RWDD1: variants seen among roughly 807,000 people sequenced by gnomAD.
RWDD1 encodes RWD domain containing 1.
Under a neutral mutation model 31.6 loss-of-function variants are expected in RWDD1, and 17 were observed. The ratio of observed to expected loss-of-function variants is 0.54; its 90% CI spans 0.37 to 0.81. The LOEUF (loss-of-function observed/expected upper bound fraction) is 0.81, where lower values mean the gene tolerates loss of function less well. Ranked by LOEUF, RWDD1 falls within the 30% of genes least tolerant of loss-of-function variation. The pLI is 0.00. For missense variants in RWDD1, 204 were observed against 274.5 expected (o/e 0.74, Z 1.82); for synonymous variants, 78 against 94.2 (o/e 0.83, Z 0.99).
At chr6:116,586,399 T>C (rs1306677803) in intron 3 of RWDD1, among the ~76,000 whole-genome samples, 1 of 152,082 alleles carries the variant, frequency 6.6e-6, no homozygotes, top group Non-Finnish European at 1.5e-5. Flanking sequence ...AGTTTGATCA[T>C]TTTATGCATA....
chr6:116,584,872 A>C lies in RWDD1; in HGVS notation c.270+15A>C. On this transcript the variant is annotated intron_variant, in intron 3 of 6. Coordinates refer to ENST00000466444, the MANE Select transcript of RWDD1 (RefSeq NM_015952.4). ...TAGCATTACAGGTAAGGAAATAATA[A>C]TTTTATGTTTTGTAGCAGCATTTAT... 6.4e-7 allele frequency: 1 copy of C among 1,550,962 alleles called. No homozygotes were observed. The highest frequency in any genetic ancestry group is 8.9e-7 in the Non-Finnish European group (1 of 1,126,376).
chr6:116,585,465 C>T (rs536922783), intron 3 of RWDD1, among the ~76,000 whole-genome samples: 17 of 152,266 alleles, frequency 1.1e-4, no homozygotes, highest in African/African-American at 3.6e-4. Flanking sequence ...AAAATATACT[C>T]ATGCTTGGGT....
chr6:116,574,745 A>C (rs1341496927), intron 1 of RWDD1, among the ~76,000 whole-genome samples: 751 of 84,432 alleles, frequency 8.9e-3, no homozygotes, highest in Middle Eastern at 0.032. Context: ...CCTTCCTTCC[A>C]CCTCCCCTCC....
rs928631297 is a variant in RWDD1 at position 116,597,324 on chromosome 6, A to G, written c.*4223A>G. 1 of 152,194 alleles carries G rather than the reference A, an allele frequency of 6.6e-6. No individual in the cohort carries two copies. Among genetic ancestry groups the G allele is most frequent in the Admixed American group, 6.5e-5 (1 of 15,282 alleles). The allele number at this position is 152,194 out of a possible 1,614,324, so 9.4% of individuals were successfully genotyped here. On this transcript the variant is annotated 3_prime_UTR_variant, in exon 7 of 7. Coordinates refer to ENST00000466444, the MANE Select transcript of RWDD1 (RefSeq NM_015952.4). ...GAATTTTTAAATAATTGTTATATTT[A>G]GTTTTGTTCTTCCACCTTTTGGCTA...
chr6:116,585,784 A>G (rs1298810101), intron 3 of RWDD1, among the ~76,000 whole-genome samples: 1 of 151,988 alleles, frequency 6.6e-6, no homozygotes, highest in Non-Finnish European at 1.5e-5. Context: ...TAATTCTAAC[A>G]TCTTTTTTTA....
In RWDD1 at chr6:116,593,104, G is replaced by T. The variant is rs1199030279; in HGVS notation, c.*3G>T. On this transcript the variant is annotated 3_prime_UTR_variant, in exon 7 of 7. Transcript: ENST00000466444. The stretch of plus-strand genomic sequence containing the variant: ...CAGAGAGTGACTCAGCTGACTAATG[G>T]ACTGTCCCCATCTGCAGAGAGGCTT... 2 of 1,612,976 alleles carry T rather than the reference G, an allele frequency of 1.2e-6. No individual in the cohort carries two copies. Among genetic ancestry groups the T allele is most frequent in the South Asian group, 1.1e-5 (1 of 90,908 alleles).
chr6:116,572,647 T>A (rs935707001), intron 1 of RWDD1, among the ~76,000 whole-genome samples: 6 of 152,156 alleles, frequency 3.9e-5, no homozygotes, highest in African/African-American at 1.4e-4. Flanking sequence ...CCAATATGAG[T>A]GAGTAGAACC....
chr6:116,592,860 C>G, intron 6 of RWDD1, 120 bp from the exon 7 acceptor site: 1 of 1,071,902 alleles, frequency 9.3e-7, no homozygotes, highest in Non-Finnish European at 1.3e-6. Context: ...GGGATTTCAT[C>G]ACTCCTACCT....
At chr6:116,577,595 G>A (rs896838876) in intron 1 of RWDD1, among the ~76,000 whole-genome samples, 3 of 151,730 alleles carry the variant, frequency 2.0e-5, no homozygotes, top group African/African-American at 7.3e-5. Flanking sequence ...TTTTGTTAGT[G>A]GCATCACATT....
At position 116,597,456 on chromosome 6, in the gene RWDD1, C is replaced by T. The variant is rs1350316454; in HGVS notation, c.*4355C>T. ...CTGTTCTCCTTTAAAGAGTAGTCTC[C>T]ATTAGTTTTCTTGACTTCTTCATCT... On this transcript the variant is annotated 3_prime_UTR_variant, in exon 7 of 7. Coordinates refer to ENST00000466444, the MANE Select transcript of RWDD1 (RefSeq NM_015952.4). The T allele has an allele frequency of 6.6e-6, 1 of 152,026 alleles. No individual in the cohort carries two copies. The highest frequency in any genetic ancestry group is 1.5e-5 in the Non-Finnish European group (1 of 68,000). 9.4% of individuals were successfully genotyped at this position (152,026 alleles called of 1,614,324 possible). A position where few individuals can be genotyped will look rare whatever the true frequency, so the allele number is the denominator to read the frequency against.
intron 1 of RWDD1, among the ~76,000 whole-genome samples, chr6:116,575,599 G>GTT (rs869080680): frequency 6.6e-6 from 1 of 152,038 alleles, no homozygotes; most frequent in Non-Finnish European, 1.5e-5. Flanking sequence ...CCCTTTTTCT[G>GTT]TTTTTAAAAA....
chr6:116,589,532 A>G (rs750038984), intron 4 of RWDD1, among the ~76,000 whole-genome samples: 68 of 152,190 alleles, frequency 4.5e-4, no homozygotes, highest in Non-Finnish European at 8.8e-4. Context: ...ACATGTAAAG[A>G]AAACCTCATA....
intron 1 of RWDD1, among the ~76,000 whole-genome samples, chr6:116,572,120 A>C (rs1774748785): frequency 6.6e-6 from 1 of 151,636 alleles, no homozygotes; most frequent in South Asian, 2.1e-4. Context: ...ATCGGTTTTG[A>C]GAGTAGCATA....
In RWDD1 at chr6:116,593,079, C is replaced by T. The variant is rs758362461; in HGVS notation, c.710C>T (p.Pro237Leu). The T allele has an allele frequency of 6.2e-7, 1 of 1,613,684 alleles. No individual in the cohort carries two copies. Among genetic ancestry groups the T allele is most frequent in the African/African-American group, 1.3e-5 (1 of 74,816 alleles). The change falls in exon 7 of 7, where the codon CCA becomes CTA. Residue 237 changes from proline to leucine, a missense_variant. By Grantham distance (98) the Pro-to-Leu change is moderately conservative. Transcript: ENST00000466444. ...EDDPDYNPAD[P>L]ESDSAD is the part of the protein sequence containing the mutation. ...GATCCAGACTATAATCCTGCTGACC[C>T]AGAGAGTGACTCAGCTGACTAATGG...
At chr6:116,572,972 G>A (rs958975037) in intron 1 of RWDD1, 6 of 985,456 alleles carry the variant, frequency 6.1e-6, no homozygotes, top group African/African-American at 1.7e-5. Flanking sequence ...GGGTTTGAGA[G>A]TGTCATTAAC....
chr6:116,580,808 C>G (rs1774935132), intron 2 of RWDD1, among the ~76,000 whole-genome samples: 2 of 151,996 alleles, frequency 1.3e-5, no homozygotes, highest in Admixed American at 6.5e-5. Context: ...CTGCATGTTT[C>G]TGTCTCTTTC....
intron 5 of RWDD1, 145 bp downstream of exon 5, chr6:116,590,549 A>G (rs1775123457): frequency 2.8e-6 from 3 of 1,058,018 alleles, no homozygotes; most frequent in African/African-American, 1.6e-5. Flanking sequence ...CTACCAGATG[A>G]TGTTTCTCCA....
intron 6 of RWDD1, among the ~76,000 whole-genome samples, chr6:116,592,485 G>T (rs913647108): frequency 2.0e-5 from 3 of 152,158 alleles, no homozygotes; most frequent in Non-Finnish European, 4.4e-5. Flanking sequence ...CCTGGGTATT[G>T]TTTCCTGTAG....
At chr6:116,582,952 C>CT (rs56123912) in intron 2 of RWDD1, among the ~76,000 whole-genome samples, 81 of 137,124 alleles carry the variant, frequency 5.9e-4, no homozygotes, top group Middle Eastern at 3.7e-3. Flanking sequence ...TTTCCATTTT[C>CT]TTTTTTTTTT....
Sources: gnomAD v4.1 joint callset for allele counts (sites outside exome capture counted in the v4.1 genomes callset) on GRCh38, gnomAD v4.1.1 for gene constraint, MANE v1.5 for transcripts, NCBI Gene and HGNC (gene_info 2026-07-23, HGNC 2026-07-21) for gene names.